RTTN: variants seen among roughly 807,000 people sequenced by gnomAD.
The protein encoded by RTTN is rotatin.
In RTTN, 182 loss-of-function variants were observed where a neutral mutation model predicts 269.2. That is an observed-to-expected ratio of 0.68 (90% CI 0.60 to 0.76). RTTN has a LOEUF of 0.76. RTTN is among the 30% of genes least tolerant of loss of function. The pLI is 0.00. For missense variants in RTTN, 2,545 were observed against 2,608.6 expected (o/e 0.98, Z 0.53); for synonymous variants, 1,006 against 963.5 (o/e 1.04, Z -0.82).
chr18:70,134,484 G>A lies in RTTN; in HGVS notation c.2943C>T (p.Ser981=), dbSNP rs373433381. ...AATAAATCCTTTACCTTCTAAAAAC[G>A]GAAACAGGCAAACTGAAGACCGATG... ...SLPSVFSLPV[S]VFRRYHLPVH... is the part of the protein sequence containing the mutation. The change falls in exon 23 of 49, where the codon TCC becomes TCT. Residue 981 remains serine, a synonymous_variant. Transcript: ENST00000640769. 47 of 1,607,042 alleles carry A rather than the reference G, an allele frequency of 2.9e-5. No homozygotes were observed. Among genetic ancestry groups the A allele is most frequent in the African/African-American group, 2.1e-4 (16 of 74,504 alleles).
chr18:70,033,027 A>G (rs144302251), intron 40 of RTTN, among the ~76,000 whole-genome samples: 12 of 152,316 alleles, frequency 7.9e-5, no homozygotes, highest in East Asian at 1.9e-4. Context: ...GTAGTCCCCA[A>G]TGTTGGGAAC....
chr18:70,152,906 T>C (rs1473760979), intron 14 of RTTN, among the ~76,000 whole-genome samples: 1 of 152,174 alleles, frequency 6.6e-6, no homozygotes, highest in African/African-American at 2.4e-5. Context: ...ATTCATAGCA[T>C]CTCACTGTAC....
Position 70,134,473 on chromosome 18 carries a change from C to G in RTTN, c.2954G>C (p.Arg985Thr), listed in dbSNP as rs1360617661. The change falls in exon 23 of 49, where the codon AGG becomes ACG. Residue 985 changes from arginine to threonine, a missense_variant and splice_region_variant. Arg to Thr is a moderately conservative substitution (Grantham distance 71). Coordinates refer to ENST00000640769, the MANE Select transcript of RTTN (RefSeq NM_173630.4). Reference protein sequence around the residue: ...VFSLPVSVFRRYHLPVHVIGH... With the variant: ...VFSLPVSVFRTYHLPVHVIGH... ...AAAATCAGAGAAATAAATCCTTTAC[C>G]TTCTAAAAACGGAAACAGGCAAACT... 6.2e-7 allele frequency: 1 copy of G among 1,601,498 alleles called. No individual in the cohort carries two copies. The highest frequency in any genetic ancestry group is 1.1e-5 in the South Asian group (1 of 90,054).
chr18:70,185,066 C>A (rs1216807246), intron 10 of RTTN, among the ~76,000 whole-genome samples: 1 of 151,660 alleles, frequency 6.6e-6, no homozygotes, highest in Non-Finnish European at 1.5e-5. Context: ...AGAAGTAAAC[C>A]CACATATAGT....
At chr18:70,179,664 C>T (rs1233244089) in intron 10 of RTTN, among the ~76,000 whole-genome samples, 1 of 152,120 alleles carries the variant, frequency 6.6e-6, no homozygotes, top group African/African-American at 2.4e-5. Context: ...ATTGAAATAC[C>T]AGGTTAGCAA....
At chr18:70,099,445 A>C (rs893500189) in intron 28 of RTTN, among the ~76,000 whole-genome samples, 6 of 151,994 alleles carry the variant, frequency 3.9e-5, no homozygotes, top group African/African-American at 1.2e-4. Context: ...TTTCTTGCAA[A>C]ATTTCTTTAA....
chr18:70,149,480 AC>A (rs1161817438), intron 16 of RTTN, among the ~76,000 whole-genome samples: 1 of 148,798 alleles, frequency 6.7e-6, no homozygotes, highest in Non-Finnish European at 1.5e-5. Flanking sequence ...TCTGAACTCC[AC>A]CTTTTCATCC....
chr18:70,044,400 G>A (rs962027177), intron 40 of RTTN, among the ~76,000 whole-genome samples: 2 of 152,226 alleles, frequency 1.3e-5, no homozygotes, highest in Non-Finnish European at 2.9e-5. Context: ...CATATAGAGA[G>A]ATTTTTATTG....
rs56255701 is a variant in RTTN at position 70,050,779 on chromosome 18, G to A, written c.5323+632C>T. On this transcript the variant is annotated intron_variant, in intron 39 of 48. Coordinates refer to ENST00000640769, the MANE Select transcript of RTTN (RefSeq NM_173630.4). ...TGAGTTCATGTCCTTTCAGGTACAC[G>A]GATGAAGCTGGAAGCCATCATTCTC... 8.9e-3 allele frequency among the ~76,000 whole-genome samples: 1,350 copies of A among 152,256 alleles called. 25 individuals carry two copies. Among genetic ancestry groups the A allele is most frequent in the African/African-American group, 0.03 (1,253 of 41,530 alleles).
At chr18:70,180,719 G>A (rs1409387682) in intron 10 of RTTN, among the ~76,000 whole-genome samples, 3 of 152,006 alleles carry the variant, frequency 2.0e-5, no homozygotes, top group African/African-American at 7.2e-5. Context: ...AAAATAAACT[G>A]TGCCTCAGTT....
At chr18:70,035,837 T>C (rs960750973) in intron 40 of RTTN, among the ~76,000 whole-genome samples, 2 of 152,008 alleles carry the variant, frequency 1.3e-5, no homozygotes, top group African/African-American at 4.8e-5. Flanking sequence ...ATCCAGCAAC[T>C]ACAAGGAACT....
At chr18:70,094,980 G>A (rs1025087752) in intron 28 of RTTN, among the ~76,000 whole-genome samples, 2 of 151,870 alleles carry the variant, frequency 1.3e-5, no homozygotes, top group African/African-American at 4.8e-5. Flanking sequence ...ACGAATCTGG[G>A]TGCTCCTGTA....
rs891098996 is a variant in RTTN, at chr18:70,006,566, C to G, written c.6422-82G>C. Reference sequence around the variant, plus strand: ...TATCTTGGACTAGTCAGACACCCCCCTCTTTTCCCATTAGAATGCATACAT... The same window carrying G: ...TATCTTGGACTAGTCAGACACCCCCGTCTTTTCCCATTAGAATGCATACAT... On this transcript the variant is annotated intron_variant, in intron 46 of 48. Transcript: ENST00000640769. The G allele has an allele frequency of 1.9e-5, 20 of 1,034,118 alleles. No individual in the cohort carries two copies. The Admixed American group carries it at 2.4e-4, about 13-fold the overall frequency. The allele number at this position is 1,034,118 out of a possible 1,614,324, so 64.1% of individuals were successfully genotyped here.
chr18:70,054,315 A>C lies in RTTN; in HGVS notation c.5032-31T>G, dbSNP rs1192367440. The stretch of plus-strand genomic sequence containing the variant: ...TGAAAAGGAGACAGGGTCAAATCAA[A>C]CATGCCATATAAAAAGCCCATCTCA... On this transcript the variant is annotated intron_variant, in intron 37 of 48. Transcript: ENST00000640769. The C allele has an allele frequency of 7.6e-6, 12 of 1,569,632 alleles. No homozygotes were observed. The African/African-American group carries it at 1.6e-4, about 22-fold the overall frequency.
At chr18:70,118,039 C>A (rs1012247340) in intron 26 of RTTN, among the ~76,000 whole-genome samples, 1 of 151,596 alleles carries the variant, frequency 6.6e-6, no homozygotes, top group African/African-American at 2.4e-5. Flanking sequence ...AGAAAGATAT[C>A]AAGTAAACAA....
At chr18:70,134,931 T>C (rs2060088198) in intron 22 of RTTN, among the ~76,000 whole-genome samples, 1 of 151,850 alleles carries the variant, frequency 6.6e-6, no homozygotes, top group South Asian at 2.1e-4. Context: ...TAAAAATGTA[T>C]TAAAGACAAA....
chr18:70,180,449 G>A (rs2061397860), intron 10 of RTTN, among the ~76,000 whole-genome samples: 1 of 152,198 alleles, frequency 6.6e-6, no homozygotes, highest in South Asian at 2.1e-4. Context: ...AGGAGTGGTG[G>A]TACATGCCTG....
chr18:70,103,278 A>G (rs1288720847), intron 28 of RTTN, among the ~76,000 whole-genome samples: 1 of 152,140 alleles, frequency 6.6e-6, no homozygotes, highest in African/African-American at 2.4e-5. Context: ...ACCATCGAGA[A>G]CGGGCCATGA....
intron 25 of RTTN, among the ~76,000 whole-genome samples, chr18:70,127,006 G>A (rs1275887026): frequency 1.3e-5 from 2 of 152,184 alleles, no homozygotes; most frequent in Non-Finnish European, 2.9e-5. Flanking sequence ...AGTTAAGCAT[G>A]TTAAATTGAC....
Sources: gnomAD v4.1 joint callset for allele counts (sites outside exome capture counted in the v4.1 genomes callset) on GRCh38, gnomAD v4.1.1 for gene constraint, MANE v1.5 for transcripts, NCBI Gene and HGNC (gene_info 2026-07-23, HGNC 2026-07-21) for gene names.